POFUT3: variants seen among roughly 807,000 people sequenced by gnomAD.
The protein encoded by POFUT3 is protein O-fucosyltransferase 3, also known as GDP-fucose protein O-fucosyltransferase 3.
chr8:33,312,220 C>A, the POFUT3 span, among the ~76,000 whole-genome samples: 9 of 151,210 alleles, frequency 6.0e-5, no homozygotes, highest in Admixed American at 5.9e-4. Context: ...TGAGATTGCA[C>A]CACTGCACTC....
At chr8:33,461,242 G>A in the POFUT3 span, 1 of 834,500 alleles carries the variant, frequency 1.2e-6, no homozygotes, top group African/African-American at 1.7e-5. Flanking sequence ...AGGAAGGAAG[G>A]AACCAACCCT....
chr8:33,360,454 T>A, the POFUT3 span, among the ~76,000 whole-genome samples: 43 of 137,786 alleles, frequency 3.1e-4, no homozygotes, highest in South Asian at 8.2e-4. Flanking sequence ...TCAAAAAATA[T>A]AAATAAAAAT....
chr8:33,320,276 T>C, the POFUT3 span, among the ~76,000 whole-genome samples: 11 of 152,124 alleles, frequency 7.2e-5, no homozygotes, highest in African/African-American at 2.6e-4. Context: ...TAACCCAACA[T>C]TGAAGTAGAA....
chr8:33,386,743 G>C, the POFUT3 span, among the ~76,000 whole-genome samples: 5,828 of 152,172 alleles, frequency 0.038, 362 homozygotes, highest in African/African-American at 0.13. Context: ...CCGGGAGGTG[G>C]AGCTTGCAGT....
At chr8:33,342,348 C>A in the POFUT3 span, among the ~76,000 whole-genome samples, 10 of 151,810 alleles carry the variant, frequency 6.6e-5, no homozygotes, top group African/African-American at 2.2e-4. Context: ...CAGAGCAAGA[C>A]CCTGTCCCCC....
the POFUT3 span, chr8:33,389,573 A>G: frequency 1.9e-6 from 3 of 1,614,116 alleles, no homozygotes; most frequent in African/African-American, 4.0e-5. Context: ...TTTGGACTGC[A>G]AAGGAACTAG....
the POFUT3 span, among the ~76,000 whole-genome samples, chr8:33,387,794 A>T: frequency 6.6e-6 from 1 of 152,036 alleles, no homozygotes; most frequent in Non-Finnish European, 1.5e-5. Context: ...ACAGAGTGAG[A>T]CTCGGTCTCA....
the POFUT3 span, among the ~76,000 whole-genome samples, chr8:33,339,475 C>G: frequency 6.6e-6 from 1 of 151,976 alleles, no homozygotes; most frequent in Non-Finnish European, 1.5e-5. Context: ...TATTTGGAAC[C>G]CTGGAAGGAA....
the POFUT3 span, among the ~76,000 whole-genome samples, chr8:33,423,273 AT>A: frequency 0.69 from 102,572 of 148,564 alleles, 35,963 homozygotes; most frequent in African/African-American, 0.83. Context: ...AATTCTTACA[AT>A]TTTTTTTTTT....
chr8:33,442,195 G>C, the POFUT3 span, among the ~76,000 whole-genome samples: 1 of 152,082 alleles, frequency 6.6e-6, no homozygotes, highest in East Asian at 1.9e-4. Context: ...TCGAACTCCT[G>C]ACCTTGTGAT....
the POFUT3 span, among the ~76,000 whole-genome samples, chr8:33,403,944 C>T: frequency 1.3e-5 from 2 of 152,122 alleles, no homozygotes; most frequent in Non-Finnish European, 2.9e-5. Context: ...CCTGTCTCAA[C>T]TTATCCCTGT....
the POFUT3 span, among the ~76,000 whole-genome samples, chr8:33,380,078 C>CTATATATACTATATATATACACTA: frequency 7.1e-4 from 34 of 48,132 alleles, no homozygotes; most frequent in African/African-American, 1.5e-3. Context: ...TATATATACA[C>CTATATATACTATATATATACACTA]TATATATACT....
the POFUT3 span, among the ~76,000 whole-genome samples, chr8:33,458,286 T>C: frequency 6.6e-6 from 1 of 152,154 alleles, no homozygotes; most frequent in East Asian, 1.9e-4. Flanking sequence ...ATTTTGGTTG[T>C]GGAAGCAAGC....
the POFUT3 span, chr8:33,389,162 C>A: frequency 5.6e-6 from 9 of 1,614,044 alleles, no homozygotes; most frequent in Non-Finnish European, 7.6e-6. Flanking sequence ...ATCCAGTCGT[C>A]TGATGTAACT....
the POFUT3 span, among the ~76,000 whole-genome samples, chr8:33,393,375 G>A: frequency 1.3e-5 from 2 of 152,174 alleles, no homozygotes; most frequent in African/African-American, 4.8e-5. Flanking sequence ...TTAAACAACA[G>A]CTAAATAGAT....
chr8:33,438,372 G>A, the POFUT3 span, among the ~76,000 whole-genome samples: 1 of 152,206 alleles, frequency 6.6e-6, no homozygotes, highest in Non-Finnish European at 1.5e-5. Context: ...GAGCCCAGGA[G>A]TTCAAGACCA....
the POFUT3 span, among the ~76,000 whole-genome samples, chr8:33,403,271 C>CGT: frequency 7.5e-3 from 1,104 of 147,414 alleles, 15 homozygotes; most frequent in East Asian, 0.054. Flanking sequence ...ATGGTGTGTG[C>CGT]GTGTGTGTGT....
At chr8:33,453,357 C>A in the POFUT3 span, 1 of 1,614,188 alleles carries the variant, frequency 6.2e-7, no homozygotes, top group Non-Finnish European at 8.5e-7. Flanking sequence ...GGGTAGCTGT[C>A]CAATTCCCAT....
At chr8:33,438,148 G>A in the POFUT3 span, among the ~76,000 whole-genome samples, 2 of 152,214 alleles carry the variant, frequency 1.3e-5, no homozygotes, top group Non-Finnish European at 2.9e-5. Flanking sequence ...CATCACAGTT[G>A]TGTTAAATTG....
Sources: allele counts gnomAD v4.1 joint callset (sites outside exome capture counted in the v4.1 genomes callset), GRCh38; gene constraint gnomAD v4.1.1; transcripts MANE v1.5; gene names NCBI Gene and HGNC (gene_info 2026-07-23, HGNC 2026-07-21).